Variants in RAP1GAP2 observed in about 807,000 individuals in gnomAD.
The protein encoded by RAP1GAP2 is RAP1 GTPase activating protein 2, also known as rap1 GTPase-activating protein 2.
A neutral mutation model predicts 95.0 loss-of-function variants in RAP1GAP2; 27 were observed. That is an observed-to-expected ratio of 0.28 (90% confidence interval 0.21 to 0.39). RAP1GAP2 has a LOEUF of 0.39. Among genes scored for constraint, RAP1GAP2 ranks in the 10% least tolerant of loss-of-function variants. RAP1GAP2 has a pLI of 1.00. For missense variants in RAP1GAP2, 771 were observed against 970.0 expected, an observed-to-expected ratio of 0.79 and a Z score of 2.72; for synonymous variants, 373 against 380.9, an observed-to-expected ratio of 0.98 and a Z score of 0.24.
At chr17:2,839,757 A>G (rs2071289314) in intron 2 of RAP1GAP2, among the ~76,000 whole-genome samples, 3 of 152,200 alleles carry the variant, frequency 2.0e-5, no homozygotes, top group African/African-American at 7.2e-5. Context: ...GGTTTTTGAG[A>G]GGATGACTAC....
intron 2 of RAP1GAP2, among the ~76,000 whole-genome samples, chr17:2,889,118 A>C (rs938370012): frequency 6.6e-6 from 1 of 152,034 alleles, no homozygotes; most frequent in East Asian, 1.9e-4. Context: ...TCGCTGGGTC[A>C]TGTGGTTGTT....
chr17:2,983,363 C>T (rs2045441722), intron 10 of RAP1GAP2, among the ~76,000 whole-genome samples: 1 of 152,060 alleles, frequency 6.6e-6, no homozygotes, highest in Admixed American at 6.6e-5. Flanking sequence ...CCTTTTTGGG[C>T]TCTTTGGACG....
intron 19 of RAP1GAP2, 29 bp from the exon 20 acceptor site, chr17:3,025,979 G>A (rs375182914): frequency 3.9e-6 from 6 of 1,534,472 alleles, no homozygotes; most frequent in South Asian, 1.1e-5. Context: ...CTGTCTCCGC[G>A]GCCTCACTCC....
intron 3 of RAP1GAP2, among the ~76,000 whole-genome samples, chr17:2,946,387 C>T (rs563829951): frequency 5.9e-5 from 9 of 152,270 alleles, no homozygotes; most frequent in Non-Finnish European, 1.2e-4. Flanking sequence ...CACTATGAAG[C>T]CATCTGGCCC....
chr17:2,942,477 G>A (rs899383561), intron 3 of RAP1GAP2, among the ~76,000 whole-genome samples: 6 of 152,090 alleles, frequency 3.9e-5, no homozygotes, highest in African/African-American at 2.4e-5. Flanking sequence ...CAAAAATTGG[G>A]AGACTCACAC....
rs2047462018 is a variant in RAP1GAP2, at chr17:3,036,228, T to C, written c.*2867T>C. 6.6e-6 allele frequency: 1 copy of C among 152,236 alleles called. No individual in the cohort carries two copies. Among genetic ancestry groups the C allele is most frequent in the Non-Finnish European group, 1.5e-5 (1 of 68,044 alleles). The allele number at this position is 152,236 out of a possible 1,614,324, so 9.4% of individuals were successfully genotyped here. A position where few individuals can be genotyped will look rare whatever the true frequency, so the allele number is the denominator to read the frequency against. The stretch of plus-strand genomic sequence containing the variant: ...CTCAACACAAGCCTGCTGGCTCTTT[T>C]TAGCATCTCATCCAACCATGTCATC... On this transcript the variant is annotated 3_prime_UTR_variant, in exon 25 of 25. Transcript: ENST00000254695.
At chr17:3,002,630 C>CCCAGGAG (rs1464145679) in intron 14 of RAP1GAP2, among the ~76,000 whole-genome samples, 1 of 152,154 alleles carries the variant, frequency 6.6e-6, no homozygotes, top group Non-Finnish European at 1.5e-5. Flanking sequence ...CTGAGTAAGC[C>CCCAGGAG]CCAGGAGGCC....
chr17:2,868,311 G>GTTTTT (rs1444464044), intron 2 of RAP1GAP2, among the ~76,000 whole-genome samples: 3 of 152,166 alleles, frequency 2.0e-5, no homozygotes, highest in African/African-American at 7.2e-5. Flanking sequence ...CTTAGAGATA[G>GTTTTT]GCACCTCTAG....
At chr17:2,967,182 C>G (rs1822410) in intron 8 of RAP1GAP2, among the ~76,000 whole-genome samples, 89,330 of 151,314 alleles carry the variant, frequency 0.59, 26,566 homozygotes, top group Admixed American at 0.71. Context: ...TCCTGGCTAA[C>G]ACGGTGAAAC....
At chr17:2,789,781 GAAAA>G (rs35791780) in intron 1 of RAP1GAP2, among the ~76,000 whole-genome samples, 3 of 71,990 alleles carry the variant, frequency 4.2e-5, no homozygotes, top group African/African-American at 1.8e-4. Context: ...GACTCCATCT[GAAAA>G]AAAAAAAAAA....
chr17:2,759,924 A>G (rs2071212157), intron 1 of RAP1GAP2, among the ~76,000 whole-genome samples: 1 of 152,110 alleles, frequency 6.6e-6, no homozygotes, highest in Admixed American at 6.6e-5. Context: ...GGGTAAAAAC[A>G]TTTGCATATT....
At chr17:3,014,676 A>G (rs1178779747) in intron 17 of RAP1GAP2, among the ~76,000 whole-genome samples, 1 of 151,362 alleles carries the variant, frequency 6.6e-6, no homozygotes, top group African/African-American at 2.4e-5. Context: ...CAGCCTGCCG[A>G]GTAGCTGGGA....
intron 2 of RAP1GAP2, among the ~76,000 whole-genome samples, chr17:2,849,510 T>A (rs1445575878): frequency 6.6e-6 from 1 of 152,232 alleles, no homozygotes; most frequent in African/African-American, 2.4e-5. Context: ...CGTGTCTGTC[T>A]GCCTCAACCC....
At chr17:2,967,467 C>G (rs539133109) in intron 8 of RAP1GAP2, among the ~76,000 whole-genome samples, 1 of 152,164 alleles carries the variant, frequency 6.6e-6, no homozygotes, top group Admixed American at 6.5e-5. Context: ...ATCCTGTCCT[C>G]TTTAGGAGTG....
At chr17:2,905,038 C>A (rs891725158) in intron 2 of RAP1GAP2, among the ~76,000 whole-genome samples, 1 of 152,128 alleles carries the variant, frequency 6.6e-6, no homozygotes, top group African/African-American at 2.4e-5. Context: ...TGCACCACCA[C>A]GCCCAGCTAA....
intron 14 of RAP1GAP2, among the ~76,000 whole-genome samples, chr17:2,999,459 C>T (rs77733474): frequency 1.2e-4 from 19 of 152,274 alleles, no homozygotes; most frequent in African/African-American, 4.3e-4. Context: ...CGCAAAATAT[C>T]AGGAACCACT....
intron 2 of RAP1GAP2, among the ~76,000 whole-genome samples, chr17:2,869,587 TG>T (rs2072759534): frequency 2.0e-5 from 3 of 152,090 alleles, no homozygotes; most frequent in Non-Finnish European, 2.9e-5. Flanking sequence ...CAAAGTGCCT[TG>T]GGGACTCCAG....
chr17:2,997,354 C>T (rs2045995516), intron 13 of RAP1GAP2, among the ~76,000 whole-genome samples: 1 of 152,210 alleles, frequency 6.6e-6, no homozygotes, highest in South Asian at 2.1e-4. Context: ...TTTGCCCTTG[C>T]CTCTGTCTCC....
At chr17:2,780,089 T>C (rs753040308) in intron 1 of RAP1GAP2, among the ~76,000 whole-genome samples, 5 of 152,138 alleles carry the variant, frequency 3.3e-5, no homozygotes, top group Admixed American at 6.5e-5. Flanking sequence ...TCGCTCTTGT[T>C]GTCCAGGCTG....
Sources: allele counts gnomAD v4.1 joint callset (sites outside exome capture counted in the v4.1 genomes callset), GRCh38; gene constraint gnomAD v4.1.1; transcripts MANE v1.5; gene names NCBI Gene and HGNC (gene_info 2026-07-23, HGNC 2026-07-21).